KCNQ5: variants seen among roughly 807,000 people sequenced by gnomAD.
KCNQ5 encodes the protein potassium voltage-gated channel subfamily KQT member 5.
Under a neutral mutation model 98.2 loss-of-function variants are expected in KCNQ5, and 30 were observed. The ratio of observed to expected loss-of-function variants is 0.31; its 90% confidence interval spans 0.23 to 0.41. The LOEUF (loss-of-function observed/expected upper bound fraction) is 0.41, where lower values mean the gene tolerates loss of function less well. Ranked by LOEUF, KCNQ5 falls within the 10% of genes least tolerant of loss-of-function variation. The pLI, the probability that KCNQ5 is intolerant of heterozygous loss-of-function variation, is 1.00. For synonymous variants in KCNQ5, 458 were observed against 449.4 expected, an observed-to-expected ratio of 1.02 and a Z score of -0.24; for missense variants, 835 against 1,182.5, an observed-to-expected ratio of 0.71 and a Z score of 4.31.
At chr6:72,923,286 T>C (rs1780488143) in intron 1 of KCNQ5, among the ~76,000 whole-genome samples, 1 of 152,172 alleles carries the variant, frequency 6.6e-6, no homozygotes, top group Non-Finnish European at 1.5e-5. Context: ...TAATTCTAGG[T>C]TTATTTTTTT....
chr6:72,752,431 A>G (rs1440968883), intron 1 of KCNQ5, among the ~76,000 whole-genome samples: 2 of 152,162 alleles, frequency 1.3e-5, no homozygotes, highest in Non-Finnish European at 2.9e-5. Flanking sequence ...CAAAGAAAAC[A>G]GCCTAGGTAC....
chr6:72,764,450 C>CT (rs1561968391), intron 1 of KCNQ5, among the ~76,000 whole-genome samples: 1 of 151,778 alleles, frequency 6.6e-6, no homozygotes, highest in Non-Finnish European at 1.5e-5. Context: ...TCCCTGATCC[C>CT]TTTTTTATTT....
At chr6:72,878,550 A>G (rs568409777) in intron 1 of KCNQ5, among the ~76,000 whole-genome samples, 1 of 152,150 alleles carries the variant, frequency 6.6e-6, no homozygotes, top group South Asian at 2.1e-4. Flanking sequence ...TTACTCTTCA[A>G]GGAGTCCTGG....
chr6:73,187,180 C>T (rs1386602396), intron 11 of KCNQ5, among the ~76,000 whole-genome samples: 1 of 152,014 alleles, frequency 6.6e-6, no homozygotes, highest in African/African-American at 2.4e-5. Context: ...CTGCCTCAGC[C>T]TCCCAAGTAG....
At position 72,817,681 on chromosome 6, in the gene KCNQ5, G is replaced by T. The variant is rs1334302234; in HGVS notation, c.399-186227G>T. On this transcript the variant is annotated intron_variant, in intron 1 of 13. Transcript: ENST00000370398. Reference sequence around the variant, plus strand: ...GGCGGAGGTGGGTGGATCACTTGAGGCCAAGACTGTGAAACTAGCCTGACC... The same window carrying T: ...GGCGGAGGTGGGTGGATCACTTGAGTCCAAGACTGTGAAACTAGCCTGACC... Among the ~76,000 whole-genome samples the T allele has an allele frequency of 2.0e-5, 3 of 151,966 alleles. No individual in the cohort carries two copies. In the East Asian group the frequency reaches 5.8e-4, roughly 29 times the overall value.
chr6:72,690,228 C>T (rs938052915), intron 1 of KCNQ5, among the ~76,000 whole-genome samples: 2 of 151,904 alleles, frequency 1.3e-5, no homozygotes, highest in Non-Finnish European at 2.9e-5. Flanking sequence ...GCCGTGATCC[C>T]GTCTCCAAAA....
chr6:73,013,275 A>G (rs1191747805), intron 2 of KCNQ5, among the ~76,000 whole-genome samples: 3 of 152,152 alleles, frequency 2.0e-5, no homozygotes, highest in East Asian at 3.9e-4. Flanking sequence ...GAAGCATTTT[A>G]GTAAATACGT....
At chr6:72,671,956 A>G (rs1420669716) in intron 1 of KCNQ5, among the ~76,000 whole-genome samples, 2 of 151,592 alleles carry the variant, frequency 1.3e-5, no homozygotes, top group African/African-American at 4.9e-5. Flanking sequence ...AGCCAGGACT[A>G]CAGGCACCCG....
At chr6:72,970,585 T>A (rs1487931115) in intron 1 of KCNQ5, among the ~76,000 whole-genome samples, 1 of 152,154 alleles carries the variant, frequency 6.6e-6, no homozygotes, top group Non-Finnish European at 1.5e-5. Context: ...TCACGCTACC[T>A]AACTTCAAAC....
chr6:72,988,188 T>A (rs572769125), intron 1 of KCNQ5, among the ~76,000 whole-genome samples: 1 of 152,234 alleles, frequency 6.6e-6, no homozygotes, highest in Non-Finnish European at 1.5e-5. Flanking sequence ...CACATACTAG[T>A]GTTTTCCTTA....
At chr6:73,107,351 A>C (rs951007233) in intron 6 of KCNQ5, among the ~76,000 whole-genome samples, 14 of 152,196 alleles carry the variant, frequency 9.2e-5, no homozygotes, top group African/African-American at 2.9e-4. Flanking sequence ...ATGGTTTCAC[A>C]ATTCTTTGAA....
chr6:73,093,025 T>C (rs1774319741), intron 5 of KCNQ5, among the ~76,000 whole-genome samples: 1 of 152,152 alleles, frequency 6.6e-6, no homozygotes, highest in African/African-American at 2.4e-5. Context: ...CTGCTGTGAA[T>C]CCATCTGGTC....
At chr6:72,740,027 T>C (rs1343865195) in intron 1 of KCNQ5, among the ~76,000 whole-genome samples, 2 of 152,160 alleles carry the variant, frequency 1.3e-5, no homozygotes, top group Non-Finnish European at 2.9e-5. Context: ...GGGTCTCACT[T>C]GGTTGAAATC....
chr6:72,833,353 C>T (rs1322643975), intron 1 of KCNQ5, among the ~76,000 whole-genome samples: 1 of 152,138 alleles, frequency 6.6e-6, no homozygotes, highest in East Asian at 1.9e-4. Context: ...GTTCTGGAAC[C>T]ATCATAACAA....
chr6:72,823,277 A>G (rs927142674), intron 1 of KCNQ5, among the ~76,000 whole-genome samples: 3 of 152,182 alleles, frequency 2.0e-5, no homozygotes, highest in Admixed American at 2.0e-4. Flanking sequence ...TGGAATTTTC[A>G]TGAAAGAATA....
chr6:72,856,637 A>G lies in KCNQ5; in HGVS notation c.399-147271A>G, dbSNP rs1480910805. ...TTAGACTAGTGATGGAAATTTGTCA[A>G]CAGTTACAGAATAAGAAAATACGTT... is the stretch of plus-strand genomic sequence containing the variant. On this transcript the variant is annotated intron_variant, in intron 1 of 13. Coordinates refer to ENST00000370398, the MANE Select transcript of KCNQ5 (RefSeq NM_019842.4). Among the ~76,000 whole-genome samples the G allele has an allele frequency of 2.6e-5, 4 of 152,356 alleles. No homozygotes were observed. In the East Asian group the frequency reaches 7.7e-4, roughly 29 times the overall value.
intron 1 of KCNQ5, among the ~76,000 whole-genome samples, chr6:72,646,966 A>T (rs945819356): frequency 6.6e-6 from 1 of 152,170 alleles, no homozygotes; most frequent in Non-Finnish European, 1.5e-5. Flanking sequence ...TGCAAAACTA[A>T]CCCATTATTG....
intron 1 of KCNQ5, among the ~76,000 whole-genome samples, chr6:72,730,523 T>A (rs1053495958): frequency 6.6e-6 from 1 of 152,352 alleles, no homozygotes; most frequent in Middle Eastern, 3.4e-3. Flanking sequence ...GGGATTCAAC[T>A]TTTTTCTGTA....
chr6:72,900,348 C>G (rs778851848), intron 1 of KCNQ5, among the ~76,000 whole-genome samples: 1 of 147,054 alleles, frequency 6.8e-6, no homozygotes, highest in Non-Finnish European at 1.5e-5. Flanking sequence ...ATATCTCATC[C>G]TATATATATA....
Sources: gnomAD v4.1 joint callset for allele counts (sites outside exome capture counted in the v4.1 genomes callset) on GRCh38, gnomAD v4.1.1 for gene constraint, MANE v1.5 for transcripts, NCBI Gene and HGNC (gene_info 2026-07-23, HGNC 2026-07-21) for gene names.